SGCZ: variants seen among roughly 807,000 people sequenced by gnomAD.
SGCZ encodes the protein zeta-sarcoglycan.
A neutral mutation model predicts 41.3 loss-of-function variants in SGCZ; 40 were observed. That is an observed-to-expected ratio of 0.97 (90% CI 0.75 to 1.26). The LOEUF (loss-of-function observed/expected upper bound fraction) is 1.26, where lower values mean the gene tolerates loss of function less well. SGCZ is among the 50% of genes most tolerant of loss of function. The pLI is 0.00. For missense variants in SGCZ, 552 were observed against 369.8 expected (o/e 1.49, Z -4.04); for synonymous variants, 206 against 137.5 (o/e 1.50, Z -3.49).
At chr8:15,148,466 A>T (rs1443304538) in intron 1 of SGCZ, among the ~76,000 whole-genome samples, 1 of 152,184 alleles carries the variant, frequency 6.6e-6, no homozygotes, top group Non-Finnish European at 1.5e-5. Context: ...GCATGACTAC[A>T]CTACTCCATA....
chr8:14,453,296 CTAAT>C (rs1250067647), intron 2 of SGCZ, among the ~76,000 whole-genome samples: 1 of 152,126 alleles, frequency 6.6e-6, no homozygotes, highest in Non-Finnish European at 1.5e-5. Flanking sequence ...ATTATGCACT[CTAAT>C]TAAAGTTTAT....
chr8:15,072,067 C>A (rs1805372371), intron 1 of SGCZ, among the ~76,000 whole-genome samples: 1 of 152,228 alleles, frequency 6.6e-6, no homozygotes, highest in Non-Finnish European at 1.5e-5. Flanking sequence ...TTTTCATAAC[C>A]CATTCAAAGT....
At chr8:14,484,581 G>A (rs1173880909) in intron 2 of SGCZ, among the ~76,000 whole-genome samples, 1 of 152,066 alleles carries the variant, frequency 6.6e-6, no homozygotes, top group African/African-American at 2.4e-5. Flanking sequence ...TATGGAAAAA[G>A]ATAGATCTGG....
At chr8:14,991,179 G>A (rs1363394988) in intron 1 of SGCZ, among the ~76,000 whole-genome samples, 3 of 152,090 alleles carry the variant, frequency 2.0e-5, no homozygotes, top group Non-Finnish European at 2.9e-5. Flanking sequence ...GTATGTGTAT[G>A]ATTTTCAGAC....
In SGCZ at chr8:14,211,030, T is replaced by A. The variant is rs1465587829; in HGVS notation, c.424+26562A>T. On this transcript the variant is annotated intron_variant, in intron 4 of 7. Transcript: ENST00000382080. ...GCAACAACAACAAATAGCTGGGAGA[T>A]TCTTGTTTCCCAAAGGGAATGTGCT... 4.6e-5 allele frequency among the ~76,000 whole-genome samples: 7 copies of A among 152,158 alleles called. No homozygotes were observed. In the East Asian group the frequency reaches 1.2e-3, roughly 25 times the overall value.
intron 4 of SGCZ, among the ~76,000 whole-genome samples, chr8:14,218,762 A>G (rs1213124727): frequency 1.3e-5 from 2 of 152,354 alleles, no homozygotes; most frequent in East Asian, 3.9e-4. Flanking sequence ...CAGCAGAGAC[A>G]ACTCACAACA....
rs536469540 is a variant in SGCZ, at chr8:14,741,175, T to C, written c.40-186249A>G. On this transcript the variant is annotated intron_variant, in intron 1 of 7. Coordinates refer to ENST00000382080, the MANE Select transcript of SGCZ (RefSeq NM_139167.4). The stretch of plus-strand genomic sequence containing the variant: ...GAAGGACGGTTGATTCTTAATTGCT[T>C]TCTTGTTTTCCTGGGAGAGGTGAGG... Among the ~76,000 whole-genome samples, 20 of 152,146 alleles carry C rather than the reference T, an allele frequency of 1.3e-4. 1 individual carries two copies. In the South Asian group the frequency reaches 1.9e-3, roughly 14 times the overall value.
chr8:15,028,109 T>C (rs559354538), intron 1 of SGCZ, among the ~76,000 whole-genome samples: 7 of 152,082 alleles, frequency 4.6e-5, no homozygotes, highest in Non-Finnish European at 8.8e-5. Context: ...CCTCCACTAA[T>C]AAAGACCTTA....
intron 2 of SGCZ, among the ~76,000 whole-genome samples, chr8:14,406,837 AG>A (rs1343731225): frequency 6.6e-6 from 1 of 152,120 alleles, no homozygotes; most frequent in African/African-American, 2.4e-5. Context: ...ACTGATTCTG[AG>A]ATGCAGTTCT....
intron 1 of SGCZ, among the ~76,000 whole-genome samples, chr8:15,215,508 T>C (rs1339294068): frequency 6.6e-6 from 1 of 152,180 alleles, no homozygotes. Flanking sequence ...TATCTAGCAA[T>C]GCCTATAGGT....
At chr8:14,816,896 A>G (rs1055794792) in intron 1 of SGCZ, among the ~76,000 whole-genome samples, 1 of 152,252 alleles carries the variant, frequency 6.6e-6, no homozygotes, top group Non-Finnish European at 1.5e-5. Context: ...GTCTGCACTT[A>G]TCAATTTTAG....
At chr8:14,919,646 G>A (rs145010793) in intron 1 of SGCZ, among the ~76,000 whole-genome samples, 2 of 152,072 alleles carry the variant, frequency 1.3e-5, no homozygotes, top group Admixed American at 6.6e-5. Context: ...AGCTGGGTGC[G>A]ATGGCTCACG....
intron 1 of SGCZ, among the ~76,000 whole-genome samples, chr8:14,666,013 C>A (rs1039890748): frequency 1.3e-5 from 2 of 152,218 alleles, no homozygotes; most frequent in Non-Finnish European, 2.9e-5. Context: ...AGCCTTGCAG[C>A]ATTAGGCTCT....
intron 1 of SGCZ, among the ~76,000 whole-genome samples, chr8:14,645,965 T>C (rs1319846907): frequency 6.6e-6 from 1 of 151,852 alleles, no homozygotes; most frequent in Non-Finnish European, 1.5e-5. Context: ...CTTTATTCTA[T>C]AAAAACGAGA....
intron 1 of SGCZ, among the ~76,000 whole-genome samples, chr8:14,735,888 A>G (rs1394771197): frequency 1.3e-5 from 2 of 152,076 alleles, no homozygotes; most frequent in South Asian, 4.1e-4. Flanking sequence ...GGTTGGAGGC[A>G]CCAAGAGCGA....
intron 1 of SGCZ, among the ~76,000 whole-genome samples, chr8:15,125,705 T>A (rs1326117157): frequency 6.6e-6 from 1 of 152,218 alleles, no homozygotes; most frequent in African/African-American, 2.4e-5. Context: ...TCATGTTTTA[T>A]AATAAATGAC....
At chr8:14,431,626 G>A (rs960578007) in intron 2 of SGCZ, among the ~76,000 whole-genome samples, 14 of 152,104 alleles carry the variant, frequency 9.2e-5, no homozygotes, top group African/African-American at 3.1e-4. Flanking sequence ...CATTGGCTTA[G>A]GCAGGAATTT....
chr8:15,009,351 A>T (rs1316970912), intron 1 of SGCZ, among the ~76,000 whole-genome samples: 1 of 152,264 alleles, frequency 6.6e-6, no homozygotes, highest in African/African-American at 2.4e-5. Flanking sequence ...CAGCAATGGA[A>T]AAATCTGCCC....
chr8:14,342,738 T>C (rs1585386153), intron 2 of SGCZ, among the ~76,000 whole-genome samples: 2 of 152,174 alleles, frequency 1.3e-5, no homozygotes, highest in African/African-American at 2.4e-5. Flanking sequence ...GATTATGTGA[T>C]AGAAAAGAAA....
Sources: gnomAD v4.1 joint callset for allele counts (sites outside exome capture counted in the v4.1 genomes callset) on GRCh38, gnomAD v4.1.1 for gene constraint, MANE v1.5 for transcripts, NCBI Gene and HGNC (gene_info 2026-07-23, HGNC 2026-07-21) for gene names.